Variants in SUMO2 observed in about 807,000 individuals in gnomAD.
The protein encoded by SUMO2 is small ubiquitin like modifier 2.
A neutral mutation model predicts 16.0 loss-of-function variants in SUMO2; 1 was observed. The ratio of observed to expected loss-of-function variants is 0.06; its 90% CI spans 0.02 to 0.30. SUMO2 has a LOEUF of 0.30. Among genes scored for constraint, SUMO2 ranks in the 10% least tolerant of loss-of-function variants. SUMO2 has a pLI of 1.00. For missense variants in SUMO2, 16 were observed against 117.5 expected (o/e 0.14, Z 3.99); for synonymous variants, 36 against 40.6 (o/e 0.89, Z 0.43).
intron 3 of SUMO2, among the ~76,000 whole-genome samples, chr17:75,174,105 T>G (rs573728698): frequency 2.5e-4 from 38 of 152,232 alleles, no homozygotes; most frequent in African/African-American, 8.9e-4. Context: ...TGGTGAGGAT[T>G]TGGCTGGGTG....
intron 1 of SUMO2, among the ~76,000 whole-genome samples, chr17:75,181,415 T>C (rs1169792403): frequency 6.6e-6 from 1 of 152,108 alleles, no homozygotes; most frequent in African/African-American, 2.4e-5. Context: ...TGCAATACTA[T>C]CAGTAGCAAC....
At chr17:75,171,143 T>C (rs963494316) in intron 3 of SUMO2, among the ~76,000 whole-genome samples, 1 of 151,542 alleles carries the variant, frequency 6.6e-6, no homozygotes, top group African/African-American at 2.4e-5. Flanking sequence ...TTCTATTTTT[T>C]CTTGCGATGG....
chr17:75,166,923 AAAGAAACCCT>A lies in SUMO2; in HGVS notation c.*1406_*1415del, dbSNP rs2074697468. Reference sequence around the variant, plus strand: ...GCTCCATCTCAAAAAACCACCACCAAAAGAAACCCTAAGAAACAAAAATTAAAATAATAAA... The same window carrying A: ...GCTCCATCTCAAAAAACCACCACCAAAAGAAACAAAAATTAAAATAATAAA... On this transcript the variant is annotated 3_prime_UTR_variant, in exon 4 of 4. Transcript: ENST00000420826. 6.6e-6 allele frequency: 1 copy of A among 152,040 alleles called. No homozygotes were observed. The highest frequency in any genetic ancestry group is 1.5e-5 in the Non-Finnish European group (1 of 68,094). The allele number at this position is 152,040 out of a possible 1,614,324, so 9.4% of individuals were successfully genotyped here.
chr17:75,179,527 CAAAAAAAAA>C, intron 2 of SUMO2, among the ~76,000 whole-genome samples: 1 of 97,216 alleles, frequency 1.0e-5, no homozygotes, highest in Non-Finnish European at 2.3e-5. Context: ...GACTCTGTCT[CAAAAAAAAA>C]AAAAAAAAAG....
At position 75,165,807 on chromosome 17, in the gene SUMO2, TGAG is replaced by T. The variant is rs2074688248; in HGVS notation, c.*2529_*2531del. 6.6e-6 allele frequency: 1 copy of T among 152,038 alleles called. No homozygotes were observed. The highest frequency in any genetic ancestry group is 1.5e-5 in the Non-Finnish European group (1 of 68,032). 9.4% of individuals were successfully genotyped at this position (152,038 alleles called of 1,614,324 possible). On this transcript the variant is annotated 3_prime_UTR_variant, in exon 4 of 4. Coordinates refer to ENST00000420826, the MANE Select transcript of SUMO2 (RefSeq NM_006937.4). Reference sequence around the variant, plus strand: ...GGAAGGCCAAGGCGGGTGGATGAACTGAGGTCAGGAGTTTGAGACCAGCCTGGC... The same window carrying T: ...GGAAGGCCAAGGCGGGTGGATGAACTGTCAGGAGTTTGAGACCAGCCTGGC...
intron 3 of SUMO2, among the ~76,000 whole-genome samples, chr17:75,171,282 T>A: frequency 6.6e-6 from 1 of 151,136 alleles, no homozygotes; most frequent in South Asian, 2.1e-4. Context: ...GCATGCGCCA[T>A]CATGCCCAGC....
intron 2 of SUMO2, among the ~76,000 whole-genome samples, chr17:75,175,596 A>G (rs1030718986): frequency 2.0e-5 from 3 of 151,778 alleles, no homozygotes; most frequent in African/African-American, 7.3e-5. Context: ...CTGGGATTAC[A>G]GGCATAAGAC....
At chr17:75,171,130 T>G (rs1349264400) in intron 3 of SUMO2, among the ~76,000 whole-genome samples, 1 of 150,976 alleles carries the variant, frequency 6.6e-6, no homozygotes, top group Non-Finnish European at 1.5e-5. Context: ...TACATTTGTG[T>G]TTTTCTATTT....
chr17:75,181,028 C>T (rs776147766), intron 2 of SUMO2, 29 bp downstream of exon 2: 5 of 1,610,284 alleles, frequency 3.1e-6, no homozygotes, highest in Non-Finnish European at 3.4e-6. Flanking sequence ...TAGTTTTATT[C>T]AGTGGAAGTA....
intron 3 of SUMO2, among the ~76,000 whole-genome samples, chr17:75,168,745 G>T (rs1458389844): frequency 6.6e-6 from 1 of 151,988 alleles, no homozygotes; most frequent in East Asian, 1.9e-4. Context: ...TGAGATTACA[G>T]GCATCCGCCA....
At chr17:75,182,674 AGC>A (rs1012143895) in intron 1 of SUMO2, 138 bp downstream of exon 1, 2 of 601,370 alleles carry the variant, frequency 3.3e-6, no homozygotes, top group African/African-American at 4.0e-5. Flanking sequence ...AATGGCGCGG[AGC>A]GCCCGGGCCT....
intron 2 of SUMO2, among the ~76,000 whole-genome samples, chr17:75,178,354 A>C (rs2032182027): frequency 1.3e-5 from 2 of 151,858 alleles, no homozygotes; most frequent in Admixed American, 6.6e-5. Flanking sequence ...TCTCTACAAA[A>C]AATACAAAAA....
chr17:75,182,770 A>AC (rs1331875835), intron 1 of SUMO2, 44 bp downstream of exon 1: 1 of 1,305,130 alleles, frequency 7.7e-7, no homozygotes, highest in South Asian at 2.4e-5. Context: ...CCGCGCCATG[A>AC]CCCCCACCGC....
At chr17:75,171,336 C>T (rs1174135243) in intron 3 of SUMO2, among the ~76,000 whole-genome samples, 1 of 151,220 alleles carries the variant, frequency 6.6e-6, no homozygotes, top group Non-Finnish European at 1.5e-5. Context: ...AAAATAAAAA[C>T]AACATAAACA....
chr17:75,172,011 C>CTTTTTTTTTTTTTTTTTTT (rs573705094), intron 3 of SUMO2, among the ~76,000 whole-genome samples: 1 of 139,414 alleles, frequency 7.2e-6, no homozygotes. Context: ...ATAATTGCGC[C>CTTTTTTTTTTTTTTTTTTT]TTTTTTTTTT....
At chr17:75,173,782 T>C (rs1041565024) in intron 3 of SUMO2, among the ~76,000 whole-genome samples, 2 of 152,190 alleles carry the variant, frequency 1.3e-5, no homozygotes, top group Non-Finnish European at 2.9e-5. Flanking sequence ...ATGGCTCTCA[T>C]GAGCCACCCT....
intron 1 of SUMO2, among the ~76,000 whole-genome samples, chr17:75,182,130 C>A (rs2074833705): frequency 6.6e-6 from 1 of 152,102 alleles, no homozygotes; most frequent in Admixed American, 6.5e-5. Context: ...CCTCCAACTT[C>A]ATGAAACCAC....
intron 3 of SUMO2, among the ~76,000 whole-genome samples, chr17:75,172,828 C>T (rs1424939123): frequency 1.3e-5 from 2 of 151,822 alleles, no homozygotes; most frequent in Non-Finnish European, 2.9e-5. Context: ...ACCATATTGT[C>T]CAGGCTGGTC....
rs1026330044 is a variant in SUMO2, at chr17:75,178,814, G to A, written c.153+2243C>T. 7.2e-5 allele frequency among the ~76,000 whole-genome samples: 11 copies of A among 152,128 alleles called. No homozygotes were observed. The East Asian group carries it at 1.9e-3, about 27-fold the overall frequency. On this transcript the variant is annotated intron_variant, in intron 2 of 3. Transcript: ENST00000420826. ...CCCAGCACTTTGGGAGGCTGAGGCG[G>A]GTGGTTCACGAGGTCCTGTAATCCC...
Sources: gnomAD v4.1 joint callset for allele counts (sites outside exome capture counted in the v4.1 genomes callset) on GRCh38, gnomAD v4.1.1 for gene constraint, MANE v1.5 for transcripts, NCBI Gene and HGNC (gene_info 2026-07-23, HGNC 2026-07-21) for gene names.